The following PLCB1 variants were observed in gnomAD, a reference collection of about 807,000 sequenced individuals.
PLCB1 encodes the protein 1-phosphatidylinositol 4,5-bisphosphate phosphodiesterase beta-1.
Under a neutral mutation model 161.8 loss-of-function variants are expected in PLCB1, and 46 were observed. The ratio of observed to expected loss-of-function variants is 0.28; its 90% confidence interval spans 0.22 to 0.36. The LOEUF (loss-of-function observed/expected upper bound fraction) is 0.36. Among genes scored for constraint, PLCB1 ranks in the 10% least tolerant of loss-of-function variants. PLCB1 has a pLI of 1.00. For missense variants in PLCB1, 1,016 were observed against 1,472.5 expected, an observed-to-expected ratio of 0.69 and a Z score of 5.07; for synonymous variants, 517 against 503.7, an observed-to-expected ratio of 1.03 and a Z score of -0.35.
At chr20:8,433,724 ATCC>A (rs985845588) in intron 3 of PLCB1, among the ~76,000 whole-genome samples, 11 of 146,816 alleles carry the variant, frequency 7.5e-5, no homozygotes, top group Non-Finnish European at 1.1e-4. Flanking sequence ...CCTCCTCCTC[ATCC>A]TCCTCCTCCT....
rs547720934 is a variant in PLCB1, at chr20:8,337,351, A to G, written c.178-34031A>G. 1.1e-4 allele frequency among the ~76,000 whole-genome samples: 17 copies of G among 152,220 alleles called. No individual in the cohort carries two copies. The East Asian group carries it at 1.2e-3, about 10-fold the overall frequency. On this transcript the variant is annotated intron_variant, in intron 2 of 31. Transcript: ENST00000338037. Reference sequence around the variant, plus strand: ...GTCTAGCTTCCAAGTTGAGGATCTCACTGTTATAGCCATATTGGAACAATT... The same window carrying G: ...GTCTAGCTTCCAAGTTGAGGATCTCGCTGTTATAGCCATATTGGAACAATT...
At position 8,409,872 on chromosome 20, in the gene PLCB1, A is replaced by T. The variant is rs145543434; in HGVS notation, c.246+38422A>T. Among the ~76,000 whole-genome samples, 453 of 152,306 alleles carry T rather than the reference A, an allele frequency of 3.0e-3. 4 individuals are homozygous for T. The highest frequency in any genetic ancestry group is 0.01 in the African/African-American group (435 of 41,566). ...TGAACTATGAAGAAAACTAAAGCAG[A>T]GTCACAGGAAAGAAGATGCTGGGGG... is the stretch of plus-strand genomic sequence containing the variant. On this transcript the variant is annotated intron_variant, in intron 3 of 31. Coordinates refer to ENST00000338037, the MANE Select transcript of PLCB1 (RefSeq NM_015192.4).
At chr20:8,483,517 C>T (rs916325757) in intron 3 of PLCB1, among the ~76,000 whole-genome samples, 1 of 152,076 alleles carries the variant, frequency 6.6e-6, no homozygotes, top group African/African-American at 2.4e-5. Context: ...TAAATGTTGG[C>T]CAAGTAATTT....
At chr20:8,575,747 A>G (rs1002204872) in intron 3 of PLCB1, among the ~76,000 whole-genome samples, 3 of 152,226 alleles carry the variant, frequency 2.0e-5, no homozygotes, top group Admixed American at 2.0e-4. Flanking sequence ...GCAATCTGAA[A>G]TAATCTTGAT....
At chr20:8,570,517 T>G (rs1195578731) in intron 3 of PLCB1, among the ~76,000 whole-genome samples, 1 of 152,018 alleles carries the variant, frequency 6.6e-6, no homozygotes, top group Admixed American at 6.6e-5. Context: ...ATTTTTTTAT[T>G]TACTCATTCA....
intron 3 of PLCB1, among the ~76,000 whole-genome samples, chr20:8,447,846 C>A (rs1474983023): frequency 6.6e-6 from 1 of 152,192 alleles, no homozygotes; most frequent in Non-Finnish European, 1.5e-5. Flanking sequence ...GAAAAGGTCA[C>A]AACATGACCC....
intron 3 of PLCB1, among the ~76,000 whole-genome samples, chr20:8,573,974 T>A (rs764961062): frequency 6.6e-6 from 1 of 152,216 alleles, no homozygotes; most frequent in Non-Finnish European, 1.5e-5. Context: ...TAGATTTTTT[T>A]AAGGTTTTCT....
At chr20:8,447,111 A>G (rs1171828505) in intron 3 of PLCB1, among the ~76,000 whole-genome samples, 1 of 152,192 alleles carries the variant, frequency 6.6e-6, no homozygotes, top group Non-Finnish European at 1.5e-5. Context: ...TATTAATGAT[A>G]TTTGAACATC....
intron 9 of PLCB1, among the ~76,000 whole-genome samples, chr20:8,665,903 A>C (rs1216086804): frequency 6.6e-6 from 1 of 152,070 alleles, no homozygotes; most frequent in African/African-American, 2.4e-5. Context: ...CAGGTTCTTC[A>C]TCTGTAAAAT....
Position 8,676,393 on chromosome 20 carries a change from CAAAG to C in PLCB1, c.863-8521_863-8518del, listed in dbSNP as rs60373026. Among the ~76,000 whole-genome samples the C allele has an allele frequency of 4.9e-3, 707 of 143,438 alleles. 4 individuals are homozygous for C. The highest frequency in any genetic ancestry group is 0.014 in the African/African-American group (531 of 36,752). 94.1% of individuals were successfully genotyped at this position (143,438 alleles called of 152,430 possible). ...GAGAAAAAGAAAGAAGAAAGAGAGA[CAAAG>C]AAAGAAAGAAAGAAAGAGAAGAAAG... On this transcript the variant is annotated intron_variant, in intron 9 of 31. Transcript: ENST00000338037.
intron 3 of PLCB1, among the ~76,000 whole-genome samples, chr20:8,581,019 G>A (rs889085332): frequency 6.6e-6 from 1 of 152,198 alleles, no homozygotes; most frequent in African/African-American, 2.4e-5. Context: ...TGTGATCAAG[G>A]AGGAGCTCAA....
intron 3 of PLCB1, among the ~76,000 whole-genome samples, chr20:8,417,609 C>A (rs1037007398): frequency 2.6e-5 from 4 of 152,060 alleles, no homozygotes; most frequent in Non-Finnish European, 5.9e-5. Flanking sequence ...TACAGGCAAA[C>A]AAATGACTAC....
chr20:8,374,218 T>C (rs1986997483), intron 3 of PLCB1, among the ~76,000 whole-genome samples: 2 of 152,064 alleles, frequency 1.3e-5, no homozygotes, highest in African/African-American at 4.8e-5. Context: ...AGTGAGTGAG[T>C]TCTCACGAGA....
intron 7 of PLCB1, among the ~76,000 whole-genome samples, chr20:8,655,769 A>C (rs1235367481): frequency 1.3e-5 from 2 of 152,088 alleles, no homozygotes; most frequent in Non-Finnish European, 2.9e-5. Context: ...CAGCAGTGCC[A>C]TTGAGCATGT....
intron 2 of PLCB1, among the ~76,000 whole-genome samples, chr20:8,351,940 A>C (rs920608642): frequency 6.6e-6 from 1 of 152,140 alleles, no homozygotes; most frequent in South Asian, 2.1e-4. Flanking sequence ...GCAGTTTCTT[A>C]TAAAACTAAA....
chr20:8,416,899 G>A (rs1031851074), intron 3 of PLCB1, among the ~76,000 whole-genome samples: 1 of 144,476 alleles, frequency 6.9e-6, no homozygotes, highest in Non-Finnish European at 1.5e-5. Context: ...AGTCCTTGAT[G>A]GTGTCTCTTT....
intron 2 of PLCB1, among the ~76,000 whole-genome samples, chr20:8,166,740 C>G (rs139544573): frequency 6.6e-6 from 1 of 152,134 alleles, no homozygotes; most frequent in South Asian, 2.1e-4. Context: ...TTCCACCTTC[C>G]CTCCAAGTTC....
Position 8,226,690 on chromosome 20 carries a change from ATT to A in PLCB1, c.177+76333_177+76334del, listed in dbSNP as rs575225666. Among the ~76,000 whole-genome samples the A allele has an allele frequency of 1.3e-3, 194 of 144,356 alleles. 1 individual carries two copies. The highest frequency in any genetic ancestry group is 4.5e-3 in the African/African-American group (180 of 39,610). The allele number at this position is 144,356 out of a possible 152,430, so 94.7% of individuals were successfully genotyped here. ...AAATGAAAAGGAGCAAGTAAAACTA[ATT>A]TTTTTTTTTTTTTGAGACGAAATCT... is the stretch of plus-strand genomic sequence containing the variant. On this transcript the variant is annotated intron_variant, in intron 2 of 31. Coordinates refer to ENST00000338037, the MANE Select transcript of PLCB1 (RefSeq NM_015192.4).
chr20:8,548,022 C>G (rs1163623776), intron 3 of PLCB1, among the ~76,000 whole-genome samples: 1 of 152,080 alleles, frequency 6.6e-6, no homozygotes, highest in Non-Finnish European at 1.5e-5. Context: ...CTCAGAGAAG[C>G]CTTCCTCACC....
Sources: gnomAD v4.1 joint callset for allele counts (sites outside exome capture counted in the v4.1 genomes callset) on GRCh38, gnomAD v4.1.1 for gene constraint, MANE v1.5 for transcripts, NCBI Gene and HGNC (gene_info 2026-07-23, HGNC 2026-07-21) for gene names.